The following MAST4 variants were observed in gnomAD, a reference collection of about 807,000 sequenced individuals.
MAST4 encodes the protein microtubule-associated serine/threonine-protein kinase 4.
Under a neutral mutation model 162.7 loss-of-function variants are expected in MAST4, and 89 were observed. That is an observed-to-expected ratio of 0.55 (90% confidence interval 0.46 to 0.65). The LOEUF (loss-of-function observed/expected upper bound fraction) is 0.65, where lower values mean the gene tolerates loss of function less well. MAST4 is among the 30% of genes least tolerant of loss of function. MAST4 has a pLI of 0.00. For synonymous variants in MAST4, 1,479 were observed against 1,361.1 expected (o/e 1.09, Z -1.91); for missense variants, 3,153 against 3,374.0 (o/e 0.93, Z 1.62).
chr5:66,763,009 T>G (rs1753922016), intron 2 of MAST4, among the ~76,000 whole-genome samples: 1 of 152,232 alleles, frequency 6.6e-6, no homozygotes, highest in East Asian at 1.9e-4. Flanking sequence ...ACTGGCTTAT[T>G]TAATCCTTAT....
chr5:66,681,765 C>T (rs951059185), intron 1 of MAST4, among the ~76,000 whole-genome samples: 2 of 152,192 alleles, frequency 1.3e-5, no homozygotes, highest in Non-Finnish European at 1.5e-5. Flanking sequence ...TAGTGCTTAC[C>T]CACCTGTATC....
At chr5:66,774,495 C>T (rs1179975578) in intron 2 of MAST4, among the ~76,000 whole-genome samples, 1 of 152,180 alleles carries the variant, frequency 6.6e-6, no homozygotes, top group African/African-American at 2.4e-5. Flanking sequence ...ATTCAGATTC[C>T]ATTCCAAACA....
chr5:66,936,569 A>C (rs1302986279), intron 4 of MAST4, among the ~76,000 whole-genome samples: 1 of 152,112 alleles, frequency 6.6e-6, no homozygotes, highest in Non-Finnish European at 1.5e-5. Flanking sequence ...GTCACAAGGT[A>C]CTCAGTGGGG....
chr5:67,005,598 C>T (rs969531086), intron 4 of MAST4, among the ~76,000 whole-genome samples: 2 of 152,160 alleles, frequency 1.3e-5, no homozygotes, highest in African/African-American at 4.8e-5. Context: ...TTTGATTTTT[C>T]AATGGTTTGC....
intron 1 of MAST4, among the ~76,000 whole-genome samples, chr5:66,693,081 GT>G (rs1172032319): frequency 1.3e-5 from 2 of 149,412 alleles, no homozygotes; most frequent in African/African-American, 2.5e-5. Flanking sequence ...TTACAAGATA[GT>G]TTTTAGGGAT....
In MAST4 at chr5:66,709,798, T is replaced by C. The variant is rs1222215863; in HGVS notation, c.364-49911T>C. On this transcript the variant is annotated intron_variant, in intron 1 of 28. Coordinates refer to ENST00000403625, the MANE Select transcript of MAST4 (RefSeq NM_001164664.2). ...TTTGAATCCCCACTTTATAACTTACTAGCTTTGTGTTTCCTAACCTCTTTG... is the reference window on the plus strand; with the variant it reads ...TTTGAATCCCCACTTTATAACTTACCAGCTTTGTGTTTCCTAACCTCTTTG... Among the ~76,000 whole-genome samples the C allele has an allele frequency of 2.0e-5, 3 of 152,234 alleles. No homozygotes were observed. In the East Asian group the frequency reaches 5.8e-4, roughly 29 times the overall value.
chr5:66,666,578 C>T (rs1361066468), intron 1 of MAST4, among the ~76,000 whole-genome samples: 2 of 152,182 alleles, frequency 1.3e-5, no homozygotes, highest in African/African-American at 4.8e-5. Flanking sequence ...GCAAGGAAAG[C>T]TAATTTAGTA....
chr5:66,807,953 A>G (rs1271325571), intron 3 of MAST4, among the ~76,000 whole-genome samples: 1 of 152,236 alleles, frequency 6.6e-6, no homozygotes, highest in African/African-American at 2.4e-5. Context: ...GATGGAAAAG[A>G]ACAGTTGACT....
chr5:66,748,551 C>T (rs529600438), intron 1 of MAST4, among the ~76,000 whole-genome samples: 11 of 150,774 alleles, frequency 7.3e-5, no homozygotes, highest in Admixed American at 6.6e-4. Flanking sequence ...TGCAGTGGTG[C>T]GATCTCGGCT....
At chr5:66,629,655 A>G (rs1211817966) in intron 1 of MAST4, among the ~76,000 whole-genome samples, 1 of 152,168 alleles carries the variant, frequency 6.6e-6, no homozygotes, top group Non-Finnish European at 1.5e-5. Flanking sequence ...ATACTCTGAG[A>G]TATTGTCAGA....
chr5:66,828,650 G>T lies in MAST4; in HGVS notation c.642+39856G>T, dbSNP rs377358338. 2.7e-4 allele frequency: 182 copies of T among 684,778 alleles called. No homozygotes were observed. The African/African-American group carries it at 2.8e-3, about 10-fold the overall frequency. The allele number at this position is 684,778 out of a possible 1,614,324, so 42.4% of individuals were successfully genotyped here. A position where few individuals can be genotyped will look rare whatever the true frequency, so the allele number is the denominator to read the frequency against. ...AGCCCACTTGCTGCTCTCTCCCACC[G>T]AACTGCAAGCATCCGTGATCTCCGA... On this transcript the variant is annotated intron_variant, in intron 3 of 28. Transcript: ENST00000403625.
chr5:66,891,758 G>T (rs1445083591), intron 3 of MAST4, among the ~76,000 whole-genome samples: 2 of 152,180 alleles, frequency 1.3e-5, no homozygotes, highest in Non-Finnish European at 2.9e-5. Context: ...CCCAGACATT[G>T]CAAAAGAAAG....
chr5:66,889,473 G>A (rs140629819), intron 3 of MAST4, among the ~76,000 whole-genome samples: 4 of 152,182 alleles, frequency 2.6e-5, no homozygotes, highest in African/African-American at 9.7e-5. Context: ...GCTAGCATTG[G>A]TGTTTGATCT....
chr5:66,798,565 T>C (rs1228503316), intron 3 of MAST4, among the ~76,000 whole-genome samples: 1 of 152,206 alleles, frequency 6.6e-6, no homozygotes, highest in Admixed American at 6.5e-5. Context: ...AATTCTTCTC[T>C]GGATGGCGTA....
intron 1 of MAST4, among the ~76,000 whole-genome samples, chr5:66,696,761 T>G (rs978677907): frequency 1.3e-5 from 2 of 151,996 alleles, no homozygotes; most frequent in South Asian, 4.1e-4. Flanking sequence ...TTTTTTTTAC[T>G]GCATTTACAT....
At chr5:67,122,818 T>C (rs1197252431) in intron 14 of MAST4, among the ~76,000 whole-genome samples, 1 of 152,196 alleles carries the variant, frequency 6.6e-6, no homozygotes, top group Non-Finnish European at 1.5e-5. Context: ...TATATCACAC[T>C]TTGGGGAATA....
chr5:66,650,302 A>C lies in MAST4; in HGVS notation c.363+53284A>C, dbSNP rs1180662274. The stretch of plus-strand genomic sequence containing the variant: ...GGTGCCCCAGGATGAAAGAGCAGAG[A>C]CTACTAGGAAGCATTTCTCATGGTG... On this transcript the variant is annotated intron_variant, in intron 1 of 28. Transcript: ENST00000403625. Among the ~76,000 whole-genome samples, 3 of 151,996 alleles carry C rather than the reference A, an allele frequency of 2.0e-5. 1 individual carries two copies. The highest frequency in any genetic ancestry group is 7.2e-5 in the African/African-American group (3 of 41,402).
At chr5:66,887,517 A>AG (rs1762113634) in intron 3 of MAST4, among the ~76,000 whole-genome samples, 1 of 152,248 alleles carries the variant, frequency 6.6e-6, no homozygotes, top group Non-Finnish European at 1.5e-5. Flanking sequence ...ATTTGTTGGT[A>AG]GAATGTCCAG....
At chr5:67,119,215 G>A (rs1767281754) in intron 13 of MAST4, among the ~76,000 whole-genome samples, 1 of 152,078 alleles carries the variant, frequency 6.6e-6, no homozygotes, top group South Asian at 2.1e-4. Flanking sequence ...GGGAGGAGTG[G>A]ACAGGGAGAT....
Sources: gnomAD v4.1 joint callset for allele counts (sites outside exome capture counted in the v4.1 genomes callset) on GRCh38, gnomAD v4.1.1 for gene constraint, MANE v1.5 for transcripts, NCBI Gene and HGNC (gene_info 2026-07-23, HGNC 2026-07-21) for gene names.